The following DBNL variants were observed in gnomAD, a reference collection of about 807,000 sequenced individuals.
DBNL encodes the protein drebrin like, also known as drebrin-like protein.
Under a neutral mutation model 62.2 loss-of-function variants are expected in DBNL, and 35 were observed. The observed-to-expected ratio is 0.56, with a 90% CI of 0.43 to 0.75. The LOEUF (loss-of-function observed/expected upper bound fraction) is 0.75. Ranked by LOEUF, DBNL falls within the 30% of genes least tolerant of loss-of-function variation. The pLI, the probability that DBNL is intolerant of heterozygous loss-of-function variation, is 0.00. For missense variants in DBNL, 495 were observed against 578.4 expected, an observed-to-expected ratio of 0.86 and a Z score of 1.48; for synonymous variants, 197 against 218.0, an observed-to-expected ratio of 0.90 and a Z score of 0.85.
Position 44,059,122 on chromosome 7 carries a change from C to A in DBNL, c.835+139C>A, listed in dbSNP as rs1375236445. ...AGTGAGGAGAAGGGACACCTGGGGC[C>A]ATTGACCTCATCAGTGACCACACTG... On this transcript the variant is annotated intron_variant, in intron 9 of 12. Transcript: ENST00000448521. The surrounding 1 kb of genome is among the most constrained non-coding windows in gnomAD (Gnocchi z 4.1). 5 of 1,000,504 alleles carry A rather than the reference C, an allele frequency of 5.0e-6. No homozygotes were observed. Among genetic ancestry groups the A allele is most frequent in the Non-Finnish European group, 7.4e-6 (5 of 677,714 alleles). The allele number at this position is 1,000,504 out of a possible 1,614,324, so 62.0% of individuals were successfully genotyped here.
chr7:44,050,390 G>C, intron 2 of DBNL, 110 bp downstream of exon 2: 1 of 1,135,896 alleles, frequency 8.8e-7, no homozygotes, highest in Non-Finnish European at 1.3e-6. Context: ...GGCTTCCAGT[G>C]CTCACTGGCC....
At chr7:44,051,502 G>GATTTCCA (rs1181460669) in intron 2 of DBNL, 33 of 206,864 alleles carry the variant, frequency 1.6e-4, no homozygotes, top group Admixed American at 8.7e-4. Flanking sequence ...AAGTCTGGTG[G>GATTTCCA]CTGGTTTGCC....
intron 4 of DBNL, 43 bp from the exon 5 acceptor site, chr7:44,056,714 T>C: frequency 1.2e-6 from 2 of 1,612,676 alleles, no homozygotes; most frequent in African/African-American, 1.3e-5. Context: ...GCCCATCTCC[T>C]GGGCTTGCAA....
chr7:44,067,974 C>T lies in DBNL; in HGVS notation c.*7058C>T, dbSNP rs1295690278. The T allele has an allele frequency of 2.0e-5, 3 of 152,142 alleles. No individual in the cohort carries two copies. The highest frequency in any genetic ancestry group is 3.9e-4 in the East Asian group (2 of 5,192). 9.4% of individuals were successfully genotyped at this position (152,142 alleles called of 1,614,324 possible). ...AATCAGAGGAGTGGGATGTGAAGCC[C>T]CTCGAAGTCAGTGAGTTGGGGGAAT... On this transcript the variant is annotated 3_prime_UTR_variant, in exon 13 of 13. Coordinates refer to ENST00000448521, the MANE Select transcript of DBNL (RefSeq NM_001014436.3).
chr7:44,064,996 C>G lies in DBNL; in HGVS notation c.*4080C>G. The G allele has an allele frequency of 6.2e-7, 1 of 1,606,482 alleles. No homozygotes were observed. Among genetic ancestry groups the G allele is most frequent in the Non-Finnish European group, 8.5e-7 (1 of 1,179,634 alleles). On this transcript the variant is annotated 3_prime_UTR_variant, in exon 13 of 13. Coordinates refer to ENST00000448521, the MANE Select transcript of DBNL (RefSeq NM_001014436.3). ...GGTGGGGAGTTCCCCGGGCTTCAGG[C>G]CTGCGTACCGACGCTCCTGGGGGAC...
Position 44,044,759 on chromosome 7 carries a change from A to T in DBNL, c.22A>T (p.Asn8Tyr). Reference protein sequence around the residue: MAANLSRNGPALQEAYVR... With the variant: MAANLSRYGPALQEAYVR... ...GGCCATGGCGGCGAACCTGAGCCGG[A>T]ACGGGCCAGCGCTGCAAGAGGCCTA... The change falls in exon 1 of 13, where the codon AAC (asparagine) becomes TAC (tyrosine). Residue 8 changes from asparagine to tyrosine, a missense_variant. Physicochemically the swap from Asn to Tyr is moderately radical, Grantham distance 143. Transcript: ENST00000448521. 6.6e-7 allele frequency: 1 copy of T among 1,508,610 alleles called. No homozygotes were observed. Among genetic ancestry groups the T allele is most frequent in the Non-Finnish European group, 8.9e-7 (1 of 1,129,786 alleles). The allele number at this position is 1,508,610 out of a possible 1,614,324, so 93.5% of individuals were successfully genotyped here.
intron 2 of DBNL, chr7:44,051,594 T>C (rs2096126742): frequency 2.8e-6 from 1 of 357,166 alleles, no homozygotes. Context: ...GTAAAAAAAA[T>C]TACCTGAGGT....
At chr7:44,055,694 C>G (rs1336675827) in intron 4 of DBNL, among the ~76,000 whole-genome samples, 1 of 152,058 alleles carries the variant, frequency 6.6e-6, no homozygotes. Flanking sequence ...ATGTAGTTAG[C>G]CATGCGTATA....
chr7:44,059,990 A>T lies in DBNL; in HGVS notation c.1048-58A>T, dbSNP rs1585995494. 6.5e-7 allele frequency: 1 copy of T among 1,539,784 alleles called. No homozygotes were observed. Among genetic ancestry groups the T allele is most frequent in the Non-Finnish European group, 8.9e-7 (1 of 1,123,836 alleles). ...GCTTGACCTGAGCCATGTGGGGCAG[A>T]GCAGCGATTGTGTGTAAGGGCTGAG... On this transcript the variant is annotated intron_variant, in intron 11 of 12. Coordinates refer to ENST00000448521, the MANE Select transcript of DBNL (RefSeq NM_001014436.3). This position sits in a 1 kb window ranked among gnomAD's most constrained non-coding sequence, Gnocchi z 4.1.
chr7:44,065,337 G>A lies in DBNL; in HGVS notation c.*4421G>A, dbSNP rs765366480. ...CCGTCCAGGATGGCCCAGAGGGTGC[G>A]GATGGCCCGCTTCAGCACTGACGTG... On this transcript the variant is annotated 3_prime_UTR_variant, in exon 13 of 13. Transcript: ENST00000448521. 15 of 1,613,634 alleles carry A rather than the reference G, an allele frequency of 9.3e-6. No homozygotes were observed. The East Asian group carries it at 1.1e-4, about 12-fold the overall frequency.
At position 44,065,321 on chromosome 7, in the gene DBNL, A is replaced by G. The variant is rs2096157684; in HGVS notation, c.*4405A>G. The G allele has an allele frequency of 1.2e-6, 2 of 1,613,666 alleles. No individual in the cohort carries two copies. The highest frequency in any genetic ancestry group is 1.1e-5 in the South Asian group (1 of 91,084). ...CCACATCTGGTCCGTGCCGTCCAGG[A>G]TGGCCCAGAGGGTGCGGATGGCCCG... On this transcript the variant is annotated 3_prime_UTR_variant, in exon 13 of 13. Coordinates refer to ENST00000448521, the MANE Select transcript of DBNL (RefSeq NM_001014436.3).
Position 44,061,104 on chromosome 7 carries a change from C to A in DBNL, c.*188C>A. The stretch of plus-strand genomic sequence containing the variant: ...AAATGCAGCAATGGCCTGGTGATTC[C>A]CACACATCCTTCCTGCATCCCCCGA... On this transcript the variant is annotated 3_prime_UTR_variant, in exon 13 of 13. Coordinates refer to ENST00000448521, the MANE Select transcript of DBNL (RefSeq NM_001014436.3). The A allele has an allele frequency of 1.4e-6, 1 of 732,732 alleles. No homozygotes were observed. Among genetic ancestry groups the A allele is most frequent in the Non-Finnish European group, 2.2e-6 (1 of 464,168 alleles). 45.4% of individuals were successfully genotyped at this position (732,732 alleles called of 1,614,324 possible).
At chr7:44,049,620 G>T (rs79290301) in intron 1 of DBNL, among the ~76,000 whole-genome samples, 2 of 152,150 alleles carry the variant, frequency 1.3e-5, no homozygotes, top group South Asian at 4.1e-4. Flanking sequence ...ATTTCATGTC[G>T]TGTCATTCCT....
chr7:44,064,986 G>A lies in DBNL; in HGVS notation c.*4070G>A, dbSNP rs373213851. ...GGCTCTCGCAGGTGGGGAGTTCCCCGGGCTTCAGGCCTGCGTACCGACGCT... is the reference window on the plus strand; with the variant it reads ...GGCTCTCGCAGGTGGGGAGTTCCCCAGGCTTCAGGCCTGCGTACCGACGCT... On this transcript the variant is annotated 3_prime_UTR_variant, in exon 13 of 13. Transcript: ENST00000448521. 188 of 1,606,572 alleles carry A rather than the reference G, an allele frequency of 1.2e-4. No homozygotes were observed. The highest frequency in any genetic ancestry group is 1.2e-4 in the Admixed American group (7 of 59,858).
In DBNL at chr7:44,059,791, A is replaced by G. The variant is rs2096144869; in HGVS notation, c.1047+133A>G. 2 of 960,148 alleles carry G rather than the reference A, an allele frequency of 2.1e-6. No individual in the cohort carries two copies. The highest frequency in any genetic ancestry group is 3.1e-6 in the Non-Finnish European group (2 of 654,632). The allele number at this position is 960,148 out of a possible 1,614,324, so 59.5% of individuals were successfully genotyped here. On this transcript the variant is annotated intron_variant, in intron 11 of 12. Transcript: ENST00000448521. The surrounding 1 kb of genome is among the most constrained non-coding windows in gnomAD (Gnocchi z 4.1). ...TGCATTTTTGGAGCAGCCCTGTGTT[A>G]TAAATTGTCAGGGCACGCCCCACTC...
chr7:44,058,601 G>T (rs1359360726), intron 8 of DBNL, 121 bp downstream of exon 8: 80 of 1,369,032 alleles, frequency 5.8e-5, no homozygotes, highest in Non-Finnish European at 7.9e-5. Flanking sequence ...GCTGGGGCAG[G>T]TTGGAATCTG....
Position 44,063,663 on chromosome 7 carries a change from A to C in DBNL, c.*2747A>C, listed in dbSNP as rs2096153475. ...GAATGGAGCTGGAGGAGGGACAGGGAGGCCGAGCCTGGTCGAAACCTGACC... is the reference window on the plus strand; with the variant it reads ...GAATGGAGCTGGAGGAGGGACAGGGCGGCCGAGCCTGGTCGAAACCTGACC... On this transcript the variant is annotated 3_prime_UTR_variant, in exon 13 of 13. Transcript: ENST00000448521. 6.5e-6 allele frequency: 1 copy of C among 154,424 alleles called. No individual in the cohort carries two copies. The highest frequency in any genetic ancestry group is 2.4e-5 in the African/African-American group (1 of 41,450). 9.6% of individuals were successfully genotyped at this position (154,424 alleles called of 1,614,324 possible). A position where few individuals can be genotyped will look rare whatever the true frequency, so the allele number is the denominator to read the frequency against.
chr7:44,052,733 A>G (rs891139641), intron 3 of DBNL, 134 bp from the exon 4 acceptor site: 1 of 1,006,516 alleles, frequency 9.9e-7, no homozygotes, highest in Admixed American at 2.2e-5. Flanking sequence ...CATGTGATGC[A>G]GTCAGAAGAA....
In DBNL at chr7:44,058,286, C is replaced by A; in HGVS notation, c.704+6C>A. ...GGCGAGGCCAGCCCCCAGAGGTGAG[C>A]CAGAGGTGGAGGCTGGCCTGGGGGA... On this transcript the variant is annotated splice_donor_region_variant and intron_variant, in intron 7 of 12. Transcript: ENST00000448521. 1 of 1,574,842 alleles carries A rather than the reference C, an allele frequency of 6.3e-7. No individual in the cohort carries two copies. The highest frequency in any genetic ancestry group is 8.6e-7 in the Non-Finnish European group (1 of 1,159,988).
Sources: allele counts gnomAD v4.1 joint callset (sites outside exome capture counted in the v4.1 genomes callset), GRCh38; gene constraint gnomAD v4.1.1; non-coding constraint Gnocchi (gnomAD v3.1); transcripts MANE v1.5; gene names NCBI Gene and HGNC (gene_info 2026-07-23, HGNC 2026-07-21).